LSS: variants seen among roughly 807,000 people sequenced by gnomAD.
LSS encodes the protein 2,3-epoxysqualene-lanosterol cyclase.
In LSS, 90 loss-of-function variants were observed where a neutral mutation model predicts 110.3. The ratio of observed to expected loss-of-function variants is 0.82; its 90% CI spans 0.69 to 0.97. The LOEUF (loss-of-function observed/expected upper bound fraction) is 0.97, where lower values mean the gene tolerates loss of function less well. Among genes scored for constraint, LSS ranks in the 50% least tolerant of loss-of-function variants. The probability of loss-of-function intolerance (pLI) is 0.00; values close to 1 mark genes in which losing one functional copy is unlikely to be tolerated. For missense variants in LSS, 927 were observed against 990.0 expected (o/e 0.94, Z 0.85); for synonymous variants, 433 against 400.0 (o/e 1.08, Z -0.98).
At position 46,228,494 on chromosome 21, in the gene LSS, C is replaced by A; in HGVS notation, c.120G>T (p.Gln40His). The A allele has an allele frequency of 6.2e-7, 1 of 1,603,250 alleles. No individual in the cohort carries two copies. Residue 40 changes from glutamine to histidine, a missense_variant, in exon 2 of 22, where the codon CAG becomes CAT. Transcript: ENST00000397728. ...ERGRQTWTYL[Q>H]DERAGREQTG... Reference sequence around the variant, plus strand: ...TCTGCTCGCGGCCGGCGCGCTCGTCCTGCAGGTAGGTCCACGTCTGCCGGC... The same window carrying A: ...TCTGCTCGCGGCCGGCGCGCTCGTCATGCAGGTAGGTCCACGTCTGCCGGC...
intron 1 of LSS, 59 bp downstream of exon 1, chr21:46,228,673 T>C (rs1410437209): frequency 1.3e-6 from 2 of 1,599,952 alleles, no homozygotes; most frequent in South Asian, 1.1e-5. Flanking sequence ...CCAGTCGCGC[T>C]CTCCTCAGCA....
chr21:46,225,141 A>C (rs942720806), intron 3 of LSS: 2 of 185,796 alleles, frequency 1.1e-5, no homozygotes, highest in African/African-American at 4.7e-5. Context: ...TTATATATGA[A>C]TATCATTAAT....
In LSS at chr21:46,194,622, C is replaced by A. The variant is rs1209279449; in HGVS notation, c.1857G>T (p.Leu619=). Reference sequence around the variant, plus strand: ...CTCCGTCTGCCATCTGCCGGGACAGCAGGAAGTCACAGGCCCGGGAGACCT... The same window carrying A: ...CTCCGTCTGCCATCTGCCGGGACAGAAGGAAGTCACAGGCCCGGGAGACCT... The part of the protein sequence containing the change: ...CAEVSRACDF[L]LSRQMADGGW... Residue 619 remains leucine (L), a synonymous_variant, in exon 20 of 22, where the codon CTG becomes CTT. Transcript: ENST00000397728. 6.2e-7 allele frequency: 1 copy of A among 1,613,614 alleles called. No individual in the cohort carries two copies. Among genetic ancestry groups the A allele is most frequent in the Non-Finnish European group, 8.5e-7 (1 of 1,180,012 alleles).
chr21:46,212,763 G>A (rs917305799), intron 11 of LSS, among the ~76,000 whole-genome samples: 2 of 152,156 alleles, frequency 1.3e-5, no homozygotes, highest in African/African-American at 2.4e-5. Context: ...TGGGTCTGTC[G>A]TTACACAGCT....
At chr21:46,196,049 C>G (rs1181268932) in intron 18 of LSS, among the ~76,000 whole-genome samples, 153 bp downstream of exon 18, 1 of 152,246 alleles carries the variant, frequency 6.6e-6, no homozygotes, top group Non-Finnish European at 1.5e-5. Context: ...CACAAAGGAA[C>G]GAGGTCCCCC....
At chr21:46,192,901 A>T (rs1258664773) in intron 20 of LSS, 1 of 427,106 alleles carries the variant, frequency 2.3e-6, no homozygotes, top group Non-Finnish European at 4.6e-6. Context: ...GCATGTGTAC[A>T]TGTGTGCATA....
intron 16 of LSS, among the ~76,000 whole-genome samples, chr21:46,206,380 C>G (rs1569024805): frequency 6.6e-6 from 1 of 152,358 alleles, no homozygotes; most frequent in Non-Finnish European, 1.5e-5. Flanking sequence ...CCACAGAACA[C>G]AAGCCCTGTG....
chr21:46,195,637 T>G, intron 19 of LSS, 39 bp downstream of exon 19: 1 of 1,536,220 alleles, frequency 6.5e-7, no homozygotes, highest in South Asian at 1.1e-5. Context: ...AGCATTGGGT[T>G]GAGAACCCCC....
chr21:46,215,201 G>A lies in LSS; in HGVS notation c.990C>T (p.Thr330=), dbSNP rs749979739. ...YEHIVADDRF[T]KSISIGPISK... is the part of the protein sequence containing the mutation. ...TGACCGGGCCGATGCTGATGCTCTT[G>A]GTGAATCGGTCGTCGGCCACAATGT... The change falls in exon 9 of 22, where the codon ACC becomes ACT. Residue 330 remains threonine (T), a synonymous_variant. Transcript: ENST00000397728. The A allele has an allele frequency of 1.9e-6, 3 of 1,610,586 alleles. No homozygotes were observed. The African/African-American group carries it at 4.0e-5, about 22-fold the overall frequency.
Position 46,189,639 on chromosome 21 carries a change from GCA to G in LSS, c.*1463_*1464del. ...GGTGCCCCTGAAGGACTCTGGGCAG[GCA>G]ATGACAGGATCTGAGGGTGTCCAGA... On this transcript the variant is annotated 3_prime_UTR_variant, in exon 22 of 22. Transcript: ENST00000397728. 2.2e-6 allele frequency: 1 copy of G among 455,916 alleles called. No individual in the cohort carries two copies. The highest frequency in any genetic ancestry group is 2.3e-5 in the Admixed American group (1 of 42,570). The allele number at this position is 455,916 out of a possible 1,614,324, so 28.2% of individuals were successfully genotyped here. A position where few individuals can be genotyped will look rare whatever the true frequency, so the allele number is the denominator to read the frequency against.
At chr21:46,211,239 G>T (rs1180635050) in intron 11 of LSS, among the ~76,000 whole-genome samples, 1 of 152,164 alleles carries the variant, frequency 6.6e-6, no homozygotes, top group East Asian at 1.9e-4. Context: ...CCATTCTCCT[G>T]CCTCAGCCTC....
intron 11 of LSS, among the ~76,000 whole-genome samples, chr21:46,212,523 C>T (rs963085870): frequency 3.9e-5 from 6 of 152,254 alleles, no homozygotes; most frequent in African/African-American, 1.4e-4. Context: ...CACCGGCCTC[C>T]CCTCTCCTTG....
chr21:46,196,462 CAG>C, intron 17 of LSS, 195 bp from the exon 18 acceptor site: 4 of 582,440 alleles, frequency 6.9e-6, no homozygotes, highest in Non-Finnish European at 1.2e-5. Context: ...AGCGGATTGG[CAG>C]AGTCTGAGAA....
chr21:46,192,108 G>A (rs2079824955), intron 20 of LSS, 149 bp from the exon 21 acceptor site: 1 of 671,506 alleles, frequency 1.5e-6, no homozygotes, highest in Admixed American at 2.2e-5. Context: ...CCCGCCAGGT[G>A]CAGCCAGCGC....
rs2079768912 is a variant in LSS, at chr21:46,189,102, A to G, written c.*2002T>C. The G allele has an allele frequency of 4.0e-6, 1 of 252,894 alleles. No homozygotes were observed. Among genetic ancestry groups the G allele is most frequent in the African/African-American group, 2.2e-5 (1 of 44,906 alleles). 15.7% of individuals were successfully genotyped at this position (252,894 alleles called of 1,614,324 possible). A position where few individuals can be genotyped will look rare whatever the true frequency, so the allele number is the denominator to read the frequency against. The stretch of plus-strand genomic sequence containing the variant: ...CAAATCTGCAGTTCTCCCCAGGATG[A>G]AACGAAACACAGTGTGACAGGCTTC... On this transcript the variant is annotated 3_prime_UTR_variant, in exon 22 of 22. Coordinates refer to ENST00000397728, the MANE Select transcript of LSS (RefSeq NM_002340.6).
At chr21:46,217,372 G>A (rs2123746965) in intron 6 of LSS, among the ~76,000 whole-genome samples, 1 of 152,126 alleles carries the variant, frequency 6.6e-6, no homozygotes, top group East Asian at 1.9e-4. Flanking sequence ...CCCAGGGTCT[G>A]TGTGTGCCTC....
intron 11 of LSS, 67 bp downstream of exon 11, chr21:46,212,958 A>T: frequency 6.3e-7 from 1 of 1,596,620 alleles, no homozygotes; most frequent in African/African-American, 1.3e-5. Context: ...TGAACCCCAA[A>T]GGAAAAATAA....
intron 11 of LSS, among the ~76,000 whole-genome samples, chr21:46,211,954 G>A (rs768668743): frequency 6.6e-6 from 1 of 152,134 alleles, no homozygotes; most frequent in Admixed American, 6.5e-5. Flanking sequence ...ACCGTCATAA[G>A]TTTGTTGGGT....
intron 3 of LSS, among the ~76,000 whole-genome samples, chr21:46,222,999 C>G (rs1269113954): frequency 6.6e-6 from 1 of 152,216 alleles, no homozygotes; most frequent in African/African-American, 2.4e-5. Context: ...CCATGACCAC[C>G]AGGGTCTGAG....
Sources: gnomAD v4.1 joint callset for allele counts (sites outside exome capture counted in the v4.1 genomes callset) on GRCh38, gnomAD v4.1.1 for gene constraint, MANE v1.5 for transcripts, NCBI Gene and HGNC (gene_info 2026-07-23, HGNC 2026-07-21) for gene names.